Variants in FKBP5 observed in about 807,000 individuals in gnomAD.
FKBP5 encodes the protein FKBP prolyl isomerase 5.
In FKBP5, 23 loss-of-function variants were observed where a neutral mutation model predicts 50.5. The ratio of observed to expected loss-of-function variants is 0.46; its 90% CI spans 0.33 to 0.65. The LOEUF (loss-of-function observed/expected upper bound fraction) is 0.65, where lower values mean the gene tolerates loss of function less well. Ranked by LOEUF, FKBP5 falls within the 30% of genes least tolerant of loss-of-function variation. The probability of loss-of-function intolerance (pLI) is 0.02; values close to 1 mark genes in which losing one functional copy is unlikely to be tolerated. For synonymous variants in FKBP5, 176 were observed against 190.6 expected, an observed-to-expected ratio of 0.92 and a Z score of 0.63; for missense variants, 411 against 553.1, an observed-to-expected ratio of 0.74 and a Z score of 2.58.
At chr6:35,631,158 CGT>C (rs1561866900) in intron 3 of FKBP5, among the ~76,000 whole-genome samples, 1 of 152,182 alleles carries the variant, frequency 6.6e-6, no homozygotes, top group Non-Finnish European at 1.5e-5. Context: ...GACAATACTA[CGT>C]GTTAATAAGG....
chr6:35,640,652 T>C (rs1178564389), intron 2 of FKBP5, among the ~76,000 whole-genome samples: 2 of 152,234 alleles, frequency 1.3e-5, no homozygotes, highest in Non-Finnish European at 2.9e-5. Context: ...GCTTTGACTC[T>C]TGTAATGACA....
chr6:35,661,934 TG>T lies in FKBP5; in HGVS notation c.-19-19092del, dbSNP rs553231780. On this transcript the variant is annotated intron_variant, in intron 1 of 10. Coordinates refer to ENST00000357266, the MANE Select transcript of FKBP5 (RefSeq NM_004117.4). ...AAGGTTATCAGTTATCAACATCTCT[TG>T]GGATTGTGAGGACTAAAGTAATGCA... 4.9e-3 allele frequency among the ~76,000 whole-genome samples: 101 copies of T among 20,744 alleles called. 41 individuals carry two copies. The highest frequency in any genetic ancestry group is 0.012 in the Non-Finnish European group (88 of 7,458). 13.6% of individuals were successfully genotyped at this position (20,744 alleles called of 152,430 possible).
At chr6:35,638,503 C>T (rs1764384318) in intron 2 of FKBP5, among the ~76,000 whole-genome samples, 1 of 152,176 alleles carries the variant, frequency 6.6e-6, no homozygotes, top group African/African-American at 2.4e-5. Context: ...ACTGTAGCCT[C>T]TATCACTCAG....
At chr6:35,620,724 T>C (rs548465454) in intron 3 of FKBP5, among the ~76,000 whole-genome samples, 3 of 152,208 alleles carry the variant, frequency 2.0e-5, no homozygotes, top group Non-Finnish European at 2.9e-5. Flanking sequence ...CACTGCACTC[T>C]AGCCTGGGTG....
intron 1 of FKBP5, among the ~76,000 whole-genome samples, chr6:35,673,993 C>A (rs1204650837): frequency 1.3e-5 from 2 of 152,146 alleles, no homozygotes; most frequent in Non-Finnish European, 2.9e-5. Flanking sequence ...ATCTGTAAAA[C>A]AAGATGGCTG....
At chr6:35,589,128 A>ATTTTTT (rs58812576) in intron 7 of FKBP5, among the ~76,000 whole-genome samples, 10 of 121,562 alleles carry the variant, frequency 8.2e-5, no homozygotes, top group African/African-American at 3.2e-4. Flanking sequence ...ATATATATAT[A>ATTTTTT]TTTTTTTTTT....
chr6:35,613,792 A>G (rs1261471787), intron 5 of FKBP5, among the ~76,000 whole-genome samples: 1 of 152,254 alleles, frequency 6.6e-6, no homozygotes, highest in Non-Finnish European at 1.5e-5. Flanking sequence ...CGGTCTTTTG[A>G]GTGAAAAAGT....
chr6:35,622,837 C>T (rs184241671), intron 3 of FKBP5, among the ~76,000 whole-genome samples: 9 of 152,294 alleles, frequency 5.9e-5, no homozygotes, highest in Admixed American at 4.6e-4. Context: ...CAAGTTTGCC[C>T]TTTACTATCT....
intron 1 of FKBP5, among the ~76,000 whole-genome samples, chr6:35,644,987 T>G (rs181192885): frequency 6.0e-4 from 91 of 152,266 alleles, no homozygotes; most frequent in African/African-American, 2.2e-3. Flanking sequence ...CCCCACAGAT[T>G]ACTTATTATT....
chr6:35,641,992 CAAAATAAAATAAAAT>C (rs373570754), intron 2 of FKBP5, among the ~76,000 whole-genome samples: 7,112 of 140,350 alleles, frequency 0.051, 386 homozygotes, highest in African/African-American at 0.14. Flanking sequence ...GACTCTGTCT[CAAAATAAAATAAAAT>C]AAAATAAAAT....
chr6:35,670,834 C>T lies in FKBP5; in HGVS notation c.-20+17970G>A, dbSNP rs147458246. On this transcript the variant is annotated intron_variant, in intron 1 of 10. Transcript: ENST00000357266. Reference sequence around the variant, plus strand: ...AACAGGTATAAAAATATTGAAATAGCCTAGGAATCTAAGAAAAAGGGAAAA... The same window carrying T: ...AACAGGTATAAAAATATTGAAATAGTCTAGGAATCTAAGAAAAAGGGAAAA... Among the ~76,000 whole-genome samples the T allele has an allele frequency of 8.2e-3, 1,242 of 151,678 alleles. 20 individuals are homozygous for T. The highest frequency in any genetic ancestry group is 0.026 in the African/African-American group (1,081 of 41,336).
At chr6:35,666,546 A>G (rs950537867) in intron 1 of FKBP5, among the ~76,000 whole-genome samples, 14 of 150,682 alleles carry the variant, frequency 9.3e-5, no homozygotes, top group African/African-American at 1.5e-4. Context: ...CATGAAGGGG[A>G]AAAAAAGCTA....
At position 35,634,960 on chromosome 6, in the gene FKBP5, C is replaced by T. The variant is rs539633238; in HGVS notation, c.250+2054G>A. On this transcript the variant is annotated intron_variant, in intron 3 of 10. Transcript: ENST00000357266. ...ATCCTAGCACTTTGGGAGGCTGAGG[C>T]GGGCAGATTGCTTGAGCCCAGGAGT... 1.4e-3 allele frequency among the ~76,000 whole-genome samples: 199 copies of T among 141,962 alleles called. 1 individual carries two copies. The highest frequency in any genetic ancestry group is 1.6e-3 in the Non-Finnish European group (105 of 66,812). 93.1% of individuals were successfully genotyped at this position (141,962 alleles called of 152,430 possible).
intron 5 of FKBP5, among the ~76,000 whole-genome samples, chr6:35,600,391 C>T (rs1763109593): frequency 6.6e-6 from 1 of 151,452 alleles, no homozygotes; most frequent in Non-Finnish European, 1.5e-5. Context: ...GTAATCTAGC[C>T]TGGGTGACAG....
chr6:35,669,255 T>G (rs1222431463), intron 1 of FKBP5, among the ~76,000 whole-genome samples: 1 of 152,188 alleles, frequency 6.6e-6, no homozygotes, highest in African/African-American at 2.4e-5. Context: ...TCTCTGGAAA[T>G]AAGACATCCT....
chr6:35,726,546 AC>A (rs1766716252), intron 1 of FKBP5, among the ~76,000 whole-genome samples: 9 of 100,176 alleles, frequency 9.0e-5, no homozygotes, highest in Admixed American at 6.5e-4. Flanking sequence ...CCACACACAC[AC>A]ACACACACAC....
intron 5 of FKBP5, among the ~76,000 whole-genome samples, chr6:35,607,223 C>T (rs1261633951): frequency 6.6e-6 from 1 of 152,148 alleles, no homozygotes; most frequent in African/African-American, 2.4e-5. Context: ...CAGGCATGTG[C>T]CACCACGCCC....
intron 3 of FKBP5, among the ~76,000 whole-genome samples, chr6:35,624,579 C>T (rs1475935373): frequency 1.3e-5 from 2 of 152,104 alleles, no homozygotes; most frequent in Non-Finnish European, 2.9e-5. Context: ...CCTCTCCTGG[C>T]TAATATGAGT....
intron 8 of FKBP5, chr6:35,583,627 A>G (rs904336623): frequency 7.4e-6 from 7 of 942,044 alleles, no homozygotes; most frequent in Admixed American, 6.2e-5. Flanking sequence ...TTTAGTTGTC[A>G]TAACTGGGTA....
Sources: allele counts gnomAD v4.1 joint callset (sites outside exome capture counted in the v4.1 genomes callset), GRCh38; gene constraint gnomAD v4.1.1; transcripts MANE v1.5; gene names NCBI Gene and HGNC (gene_info 2026-07-23, HGNC 2026-07-21).